The following REDIC1 variants were observed in gnomAD, a reference collection of about 807,000 sequenced individuals.
The protein encoded by REDIC1 is regulator of DNA class I crossover intermediates 1.
chr12:39,713,355 C>G, the REDIC1 span, among the ~76,000 whole-genome samples: 1 of 137,850 alleles, frequency 7.3e-6, no homozygotes, highest in Non-Finnish European at 1.6e-5. Context: ...TGTGTATACA[C>G]ATATACGTGT....
the REDIC1 span, among the ~76,000 whole-genome samples, chr12:39,880,118 T>G: frequency 1.3e-5 from 2 of 152,204 alleles, no homozygotes; most frequent in African/African-American, 4.8e-5. Context: ...CTTCCATGAT[T>G]GTAAGATTCC....
At chr12:39,711,446 C>T in the REDIC1 span, among the ~76,000 whole-genome samples, 1 of 45,008 alleles carries the variant, frequency 2.2e-5, no homozygotes, top group East Asian at 4.0e-4. Context: ...TATGTGTGTA[C>T]ATATATACAC....
chr12:39,871,703 T>C, the REDIC1 span: 10 of 1,221,408 alleles, frequency 8.2e-6, no homozygotes, highest in Non-Finnish European at 1.1e-5. Context: ...GAGAAACCAA[T>C]ATTAGAAGTG....
At chr12:39,817,310 T>A in the REDIC1 span, among the ~76,000 whole-genome samples, 1 of 151,638 alleles carries the variant, frequency 6.6e-6, no homozygotes, top group Non-Finnish European at 1.5e-5. Flanking sequence ...ATGCAGGAGG[T>A]CATTAGACAA....
chr12:39,711,536 CATAT>C, the REDIC1 span, among the ~76,000 whole-genome samples: 1 of 115,514 alleles, frequency 8.7e-6, no homozygotes, highest in African/African-American at 3.7e-5. Flanking sequence ...TGTGTATATA[CATAT>C]ATGTATGTGC....
chr12:39,832,416 G>C, the REDIC1 span, among the ~76,000 whole-genome samples: 1 of 151,866 alleles, frequency 6.6e-6, no homozygotes. Context: ...GTAGTCCCTA[G>C]AAAAGTTCAA....
chr12:39,821,283 G>A, the REDIC1 span, among the ~76,000 whole-genome samples: 1 of 151,990 alleles, frequency 6.6e-6, no homozygotes, highest in Non-Finnish European at 1.5e-5. Flanking sequence ...GTTGGCGGGC[G>A]CCTGTAGTCC....
the REDIC1 span, among the ~76,000 whole-genome samples, chr12:39,877,795 CA>C: frequency 6.6e-6 from 1 of 152,112 alleles, no homozygotes; most frequent in African/African-American, 2.4e-5. Flanking sequence ...AATTTCTTCT[CA>C]AAAAATACAT....
chr12:39,744,301 C>A, the REDIC1 span, among the ~76,000 whole-genome samples: 2 of 152,290 alleles, frequency 1.3e-5, no homozygotes, highest in East Asian at 3.9e-4. Flanking sequence ...GTTGTCAGTA[C>A]ACCTGACTTG....
At chr12:39,705,390 A>G in the REDIC1 span, among the ~76,000 whole-genome samples, 3 of 152,104 alleles carry the variant, frequency 2.0e-5, no homozygotes, top group East Asian at 5.8e-4. Context: ...CATGTAACGA[A>G]GAACTAATAC....
the REDIC1 span, among the ~76,000 whole-genome samples, chr12:39,784,704 C>T: frequency 8.4e-4 from 128 of 152,320 alleles, no homozygotes; most frequent in Admixed American, 3.6e-3. Flanking sequence ...GCAATGGCAA[C>T]AAAAGCCAAA....
At chr12:39,713,905 G>A in the REDIC1 span, among the ~76,000 whole-genome samples, 3 of 147,126 alleles carry the variant, frequency 2.0e-5, no homozygotes, top group African/African-American at 5.0e-5. Flanking sequence ...ACGTATATAC[G>A]TATGTGTATA....
the REDIC1 span, among the ~76,000 whole-genome samples, chr12:39,838,459 T>C: frequency 1.4e-5 from 2 of 144,270 alleles, no homozygotes; most frequent in Non-Finnish European, 3.0e-5. Context: ...ACCTGCACAA[T>C]GTGCACATGT....
chr12:39,687,766 C>G, the REDIC1 span, among the ~76,000 whole-genome samples: 2 of 152,176 alleles, frequency 1.3e-5, no homozygotes, highest in Non-Finnish European at 2.9e-5. Flanking sequence ...ATTGAAATAT[C>G]TATAAACACT....
the REDIC1 span, among the ~76,000 whole-genome samples, chr12:39,830,799 G>A: frequency 1.3e-5 from 2 of 152,058 alleles, no homozygotes; most frequent in South Asian, 2.1e-4. Flanking sequence ...TGAAATCTGT[G>A]CTTTCAGCAA....
chr12:39,852,413 G>A, the REDIC1 span, among the ~76,000 whole-genome samples: 1 of 152,140 alleles, frequency 6.6e-6, no homozygotes, highest in African/African-American at 2.4e-5. Flanking sequence ...AAATTCCTGT[G>A]ACAAATCTGT....
the REDIC1 span, among the ~76,000 whole-genome samples, chr12:39,803,569 T>C: frequency 6.6e-6 from 1 of 151,922 alleles, no homozygotes; most frequent in African/African-American, 2.4e-5. Flanking sequence ...TACACACACA[T>C]ACACACACAT....
At chr12:39,864,084 A>G in the REDIC1 span, among the ~76,000 whole-genome samples, 31 of 152,242 alleles carry the variant, frequency 2.0e-4, no homozygotes, top group Non-Finnish European at 3.8e-4. Context: ...GCTGCCAAAT[A>G]TATTAATCGA....
the REDIC1 span, among the ~76,000 whole-genome samples, chr12:39,692,752 T>G: frequency 6.6e-6 from 1 of 152,064 alleles, no homozygotes; most frequent in Non-Finnish European, 1.5e-5. Flanking sequence ...CTTGGAGTAT[T>G]GTTGACATTT....
Sources: gnomAD v4.1 joint callset for allele counts (sites outside exome capture counted in the v4.1 genomes callset) on GRCh38, gnomAD v4.1.1 for gene constraint, MANE v1.5 for transcripts, NCBI Gene and HGNC (gene_info 2026-07-23, HGNC 2026-07-21) for gene names.